The following AVEN variants were observed in gnomAD, a reference collection of about 807,000 sequenced individuals.
AVEN encodes the protein apoptosis and caspase activation inhibitor.
In AVEN, 41 loss-of-function variants were observed where a neutral mutation model predicts 38.1. The ratio of observed to expected loss-of-function variants is 1.08; its 90% confidence interval spans 0.84 to 1.40. The LOEUF is 1.40. AVEN is among the 40% of genes most tolerant of loss of function. AVEN has a pLI of 0.00. For missense variants in AVEN, 605 were observed against 438.8 expected (o/e 1.38, Z -3.38); for synonymous variants, 206 against 171.8 (o/e 1.20, Z -1.56).
intron 1 of AVEN, among the ~76,000 whole-genome samples, chr15:34,019,053 G>A (rs1898092037): frequency 6.6e-6 from 1 of 151,792 alleles, no homozygotes; most frequent in Non-Finnish European, 1.5e-5. Flanking sequence ...TTTTTACAGA[G>A]TGCTGATTGG....
intron 3 of AVEN, among the ~76,000 whole-genome samples, chr15:33,874,903 A>G (rs1187082671): frequency 1.3e-5 from 2 of 152,258 alleles, no homozygotes; most frequent in Admixed American, 6.5e-5. Context: ...TCAACAATCT[A>G]TCTTCGATGT....
intron 11 of AVEN, chr15:33,859,579 A>C: frequency 6.2e-7 from 1 of 1,613,890 alleles, no homozygotes; most frequent in Non-Finnish European, 8.5e-7. Context: ...CTCTAGTGTT[A>C]CCTTTTCCAC....
In AVEN at chr15:34,038,028, A is replaced by T. The variant is rs145163520; in HGVS notation, c.267+752T>A. On this transcript the variant is annotated intron_variant, in intron 1 of 5. Coordinates refer to ENST00000306730, the MANE Select transcript of AVEN (RefSeq NM_020371.3). ...GGTTAGCTTTGCCCCCATATATATCATCCCCTGCTCCAATCTCCAAAAACT... is the reference window on the plus strand; with the variant it reads ...GGTTAGCTTTGCCCCCATATATATCTTCCCCTGCTCCAATCTCCAAAAACT... Among the ~76,000 whole-genome samples the T allele has an allele frequency of 2.6e-5, 4 of 152,330 alleles. No individual in the cohort carries two copies. The East Asian group carries it at 7.7e-4, about 29-fold the overall frequency.
At chr15:34,035,550 T>C (rs1291280067) in intron 1 of AVEN, among the ~76,000 whole-genome samples, 1 of 152,150 alleles carries the variant, frequency 6.6e-6, no homozygotes, top group African/African-American at 2.4e-5. Context: ...GGTTGAGTGA[T>C]ATTAAAAAGT....
chr15:33,924,599 G>A (rs1193484996), intron 2 of AVEN, among the ~76,000 whole-genome samples: 1 of 152,166 alleles, frequency 6.6e-6, no homozygotes, highest in Non-Finnish European at 1.5e-5. Context: ...TGGGATTATA[G>A]GCGTGAGCCA....
intron 1 of AVEN, among the ~76,000 whole-genome samples, chr15:34,019,475 G>A (rs1230432101): frequency 6.6e-6 from 1 of 152,168 alleles, no homozygotes; most frequent in Admixed American, 6.5e-5. Context: ...TAAGTGTACA[G>A]TGTTTATAAA....
intron 3 of AVEN, among the ~76,000 whole-genome samples, chr15:33,874,363 C>T (rs1274451705): frequency 1.3e-5 from 2 of 152,116 alleles, no homozygotes; most frequent in African/African-American, 4.8e-5. Flanking sequence ...CCTGAGGCCT[C>T]CTCCTCTGGG....
intron 1 of AVEN, chr15:34,018,323 C>T (rs1034011576): frequency 5.3e-5 from 8 of 152,226 alleles, no homozygotes; most frequent in South Asian, 4.1e-4. Flanking sequence ...AGAATGAAGC[C>T]GCAGACCGTC....
downstream of AVEN, among the ~76,000 whole-genome samples, chr15:33,855,311 C>G (rs971058670): frequency 3.9e-5 from 6 of 152,150 alleles, no homozygotes; most frequent in African/African-American, 9.7e-5. Flanking sequence ...TCAAGCAATT[C>G]TCCTGCCTCA....
At chr15:33,929,673 A>G (rs531413703) in intron 2 of AVEN, among the ~76,000 whole-genome samples, 37 of 152,328 alleles carry the variant, frequency 2.4e-4, no homozygotes, top group South Asian at 2.1e-3. Context: ...AAATGGGGGG[A>G]AAATTACTGT....
At chr15:33,862,185 C>G (rs1287693704), downstream of AVEN, among the ~76,000 whole-genome samples, 1 of 151,214 alleles carries the variant, frequency 6.6e-6, no homozygotes, top group Non-Finnish European at 1.5e-5. Context: ...GCTCTTCCCC[C>G]TTCTCTCTCT....
chr15:33,879,177 A>G (rs1463629386), intron 2 of AVEN, among the ~76,000 whole-genome samples: 1 of 151,792 alleles, frequency 6.6e-6, no homozygotes. Context: ...GATAGACCGG[A>G]TTAAGAAAAT....
At chr15:33,896,946 A>G (rs1278760575) in intron 2 of AVEN, among the ~76,000 whole-genome samples, 5 of 152,246 alleles carry the variant, frequency 3.3e-5, no homozygotes, top group African/African-American at 1.2e-4. Context: ...CACAATAGCT[A>G]GCGTGCAATG....
chr15:34,073,837 T>C (rs1480012371), intron 1 of AVEN, among the ~76,000 whole-genome samples: 5 of 151,744 alleles, frequency 3.3e-5, no homozygotes, highest in South Asian at 2.1e-4. Context: ...CTCTTATCCA[T>C]AACTAAACGT....
At chr15:33,863,695 AATACTTT>A (rs761405590), downstream of AVEN, among the ~76,000 whole-genome samples, 6 of 152,198 alleles carry the variant, frequency 3.9e-5, no homozygotes, top group Admixed American at 2.0e-4. Flanking sequence ...CATGAGATTA[AATACTTT>A]CTAACTTTTC....
intron 2 of AVEN, among the ~76,000 whole-genome samples, chr15:33,921,398 T>A (rs548884938): frequency 7.4e-5 from 11 of 149,470 alleles, no homozygotes; most frequent in African/African-American, 2.2e-4. Flanking sequence ...TCAGAACAGG[T>A]GAGATTTAAT....
chr15:34,005,458 T>C (rs964713918), intron 1 of AVEN, among the ~76,000 whole-genome samples: 2 of 152,220 alleles, frequency 1.3e-5, no homozygotes, highest in African/African-American at 4.8e-5. Flanking sequence ...ATATTATCTA[T>C]AAACTAATCT....
At chr15:34,010,246 G>A (rs151005002) in intron 1 of AVEN, among the ~76,000 whole-genome samples, 200 of 152,142 alleles carry the variant, frequency 1.3e-3, no homozygotes, top group African/African-American at 4.6e-3. Context: ...TTTATAATCT[G>A]CTTAATTTAA....
chr15:34,013,090 C>T (rs1417142565), intron 1 of AVEN, among the ~76,000 whole-genome samples: 1 of 151,868 alleles, frequency 6.6e-6, no homozygotes, highest in Non-Finnish European at 1.5e-5. Flanking sequence ...GAGACAGAGT[C>T]TCACTCTGTC....
Sources: allele counts gnomAD v4.1 joint callset (sites outside exome capture counted in the v4.1 genomes callset), GRCh38; gene constraint gnomAD v4.1.1; transcripts MANE v1.5; gene names NCBI Gene and HGNC (gene_info 2026-07-23, HGNC 2026-07-21).